The following LHPP variants were observed in gnomAD, a reference collection of about 807,000 sequenced individuals.
LHPP encodes hLHPP.
In LHPP, 24 loss-of-function variants were observed where a neutral mutation model predicts 30.3. The ratio of observed to expected loss-of-function variants is 0.79; its 90% CI spans 0.57 to 1.11. The LOEUF is 1.11. Ranked by LOEUF, LHPP falls within the 50% of genes most tolerant of loss-of-function variation. LHPP has a pLI of 0.00. For synonymous variants in LHPP, 150 were observed against 157.1 expected (o/e 0.95, Z 0.34); for missense variants, 356 against 367.2 (o/e 0.97, Z 0.25).
At chr10:124,545,676 G>A (rs930887106) in intron 6 of LHPP, among the ~76,000 whole-genome samples, 8 of 152,178 alleles carry the variant, frequency 5.3e-5, no homozygotes, top group South Asian at 2.1e-4. Flanking sequence ...GTGTTAGTGC[G>A]AATGTGAGTG....
chr10:124,540,896 C>T (rs774427843), intron 6 of LHPP, among the ~76,000 whole-genome samples: 2 of 152,146 alleles, frequency 1.3e-5, no homozygotes, highest in Non-Finnish European at 1.5e-5. Flanking sequence ...GTTCTGGACA[C>T]ACGATGCCTT....
At chr10:124,477,228 G>T (rs1952978028) in intron 1 of LHPP, among the ~76,000 whole-genome samples, 1 of 152,158 alleles carries the variant, frequency 6.6e-6, no homozygotes, top group Non-Finnish European at 1.5e-5. Context: ...CATGCCAGTG[G>T]CATTGCTGAG....
At chr10:124,484,063 A>G in intron 1 of LHPP, 76 bp from the exon 2 acceptor site, 2 of 1,425,972 alleles carry the variant, frequency 1.4e-6, no homozygotes, top group East Asian at 2.4e-5. Flanking sequence ...GCCCTTCGAG[A>G]ATCACCGCGC....
intron 6 of LHPP, chr10:124,605,166 CTTGTTTT>C (rs1949075419): frequency 6.6e-6 from 1 of 152,374 alleles, no homozygotes; most frequent in African/African-American, 2.4e-5. Flanking sequence ...ACAGAACCGC[CTTGTTTT>C]CTGCCTCTCA....
At chr10:124,464,833 T>G (rs1478532917) in intron 1 of LHPP, among the ~76,000 whole-genome samples, 2 of 152,140 alleles carry the variant, frequency 1.3e-5, no homozygotes, top group African/African-American at 2.4e-5. Context: ...GTTCCACTTC[T>G]GAGAATTTGT....
At chr10:124,582,786 C>A (rs561376435) in intron 6 of LHPP, among the ~76,000 whole-genome samples, 1 of 151,774 alleles carries the variant, frequency 6.6e-6, no homozygotes, top group Non-Finnish European at 1.5e-5. Flanking sequence ...AGGTGGATTG[C>A]TTGAGCTCAG....
chr10:124,475,382 A>G lies in LHPP; in HGVS notation c.126-8757A>G, dbSNP rs1952913602. On this transcript the variant is annotated intron_variant, in intron 1 of 6. Transcript: ENST00000368842. ...TGGTGAAACCCCATCTCTACTAAAA[A>G]TACAAAAAATAAGCTGGGCATAGTG... Among the ~76,000 whole-genome samples the G allele has an allele frequency of 5.9e-5, 9 of 152,062 alleles. No individual in the cohort carries two copies. The South Asian group carries it at 1.9e-3, about 32-fold the overall frequency.
intron 4 of LHPP, 122 bp from the exon 5 acceptor site, chr10:124,497,914 A>G (rs187027499): frequency 7.6e-4 from 588 of 769,408 alleles, no homozygotes; most frequent in Non-Finnish European, 1.1e-3. Context: ...TCAGGCCCAC[A>G]GCATCCTGCT....
At chr10:124,552,777 A>G (rs1176824119) in intron 6 of LHPP, among the ~76,000 whole-genome samples, 1 of 152,250 alleles carries the variant, frequency 6.6e-6, no homozygotes, top group Admixed American at 6.5e-5. Flanking sequence ...GAAAGTGGCA[A>G]CATTTCAATA....
At chr10:124,472,953 T>C (rs556938994) in intron 1 of LHPP, among the ~76,000 whole-genome samples, 9 of 152,296 alleles carry the variant, frequency 5.9e-5, no homozygotes, top group African/African-American at 2.2e-4. Context: ...TTGAACTGTA[T>C]GGAAAGAGAC....
At chr10:124,484,053 G>A (rs1953234377) in intron 1 of LHPP, 86 bp from the exon 2 acceptor site, 3 of 1,293,064 alleles carry the variant, frequency 2.3e-6, no homozygotes, top group African/African-American at 3.0e-5. Context: ...TTTGCTGGAT[G>A]CCCTTCGAGA....
At chr10:124,573,410 C>T (rs575207786) in intron 6 of LHPP, among the ~76,000 whole-genome samples, 6 of 152,210 alleles carry the variant, frequency 3.9e-5, no homozygotes, top group Non-Finnish European at 7.3e-5. Context: ...GTCTCCACCT[C>T]AAGTGATCCT....
chr10:124,555,462 G>A (rs1948281915), intron 6 of LHPP, among the ~76,000 whole-genome samples: 2 of 151,986 alleles, frequency 1.3e-5, no homozygotes, highest in Admixed American at 6.5e-5. Flanking sequence ...GTGTGTCAGC[G>A]CTTTGCAGTA....
intron 6 of LHPP, among the ~76,000 whole-genome samples, chr10:124,569,360 G>A (rs914945861): frequency 3.3e-5 from 5 of 152,144 alleles, no homozygotes; most frequent in African/African-American, 9.7e-5. Flanking sequence ...GGGCTGTGTC[G>A]CACAGTGGCC....
At chr10:124,498,490 T>G in intron 5 of LHPP, 2 of 1,454,262 alleles carry the variant, frequency 1.4e-6, no homozygotes, top group Non-Finnish European at 1.8e-6. Context: ...GAGGAAATAA[T>G]AAAGTCACTC....
At chr10:124,557,139 CA>C (rs1948316866) in intron 6 of LHPP, among the ~76,000 whole-genome samples, 3 of 152,180 alleles carry the variant, frequency 2.0e-5, no homozygotes, top group Admixed American at 1.3e-4. Context: ...CCCACTCGGC[CA>C]CTTCCTAGCA....
At chr10:124,498,660 C>CTTTTTTTT (rs552228070) in intron 5 of LHPP, 194 of 354,222 alleles carry the variant, frequency 5.5e-4, no homozygotes, top group East Asian at 1.5e-3. Flanking sequence ...TTTTCTTTTT[C>CTTTTTTTT]TTTTTTTTTT....
At chr10:124,553,801 C>T (rs1948233178) in intron 6 of LHPP, 2 of 740,586 alleles carry the variant, frequency 2.7e-6, no homozygotes, top group Non-Finnish European at 3.3e-6. Context: ...GTGATATTGT[C>T]ACCTTGGGAG....
At chr10:124,507,061 TA>T (rs1954124805) in intron 5 of LHPP, among the ~76,000 whole-genome samples, 1 of 2,204 alleles carries the variant, frequency 4.5e-4, no homozygotes. Flanking sequence ...ATTTCAGGTG[TA>T]GGGGTAGACA....
Sources: gnomAD v4.1 joint callset for allele counts (sites outside exome capture counted in the v4.1 genomes callset) on GRCh38, gnomAD v4.1.1 for gene constraint, MANE v1.5 for transcripts, NCBI Gene and HGNC (gene_info 2026-07-23, HGNC 2026-07-21) for gene names.